MAMDC2: variants seen among roughly 807,000 people sequenced by gnomAD.
The protein encoded by MAMDC2 is MAM domain containing 2.
A neutral mutation model predicts 89.8 loss-of-function variants in MAMDC2; 57 were observed. The ratio of observed to expected loss-of-function variants is 0.63; its 90% confidence interval spans 0.51 to 0.79. The LOEUF (loss-of-function observed/expected upper bound fraction) is 0.79. Among genes scored for constraint, MAMDC2 ranks in the 30% least tolerant of loss-of-function variants. The pLI is 0.00. For synonymous variants in MAMDC2, 313 were observed against 293.4 expected (o/e 1.07, Z -0.68); for missense variants, 800 against 820.6 (o/e 0.97, Z 0.31).
intron 2 of MAMDC2, among the ~76,000 whole-genome samples, chr9:70,049,355 T>C (rs763883560): frequency 6.6e-6 from 1 of 152,168 alleles, no homozygotes; most frequent in African/African-American, 2.4e-5. Flanking sequence ...GCGTTTCAGT[T>C]CTGCACTCAG....
intron 2 of MAMDC2, among the ~76,000 whole-genome samples, chr9:70,107,055 T>G (rs1828360611): frequency 1.3e-5 from 2 of 151,796 alleles, no homozygotes; most frequent in African/African-American, 4.8e-5. Context: ...CACAGGGTGG[T>G]GGAAGCCACA....
At chr9:70,144,265 A>C (rs530041883) in intron 9 of MAMDC2, among the ~76,000 whole-genome samples, 151 of 152,320 alleles carry the variant, frequency 9.9e-4, no homozygotes, top group Non-Finnish European at 1.7e-3. Context: ...TAAGGTTAAC[A>C]ACCTAAGGCT....
At chr9:70,210,881 A>T (rs913047874) in intron 11 of MAMDC2, among the ~76,000 whole-genome samples, 1 of 152,260 alleles carries the variant, frequency 6.6e-6, no homozygotes, top group African/African-American at 2.4e-5. Flanking sequence ...TTTCTCCTTC[A>T]CTTATGAAGC....
intron 2 of MAMDC2, among the ~76,000 whole-genome samples, chr9:70,047,382 G>A (rs1283681902): frequency 6.6e-6 from 1 of 151,972 alleles, no homozygotes; most frequent in African/African-American, 2.4e-5. Context: ...GCCCCGGTGT[G>A]TGAAGTTCCC....
At chr9:70,113,227 C>A in intron 5 of MAMDC2, 95 bp downstream of exon 5, 1 of 1,423,406 alleles carries the variant, frequency 7.0e-7, no homozygotes, top group Non-Finnish European at 9.6e-7. Context: ...CTTCTGTCAA[C>A]AGGGAAGAGA....
chr9:70,157,637 T>C (rs978450386), intron 9 of MAMDC2: 3 of 152,652 alleles, frequency 2.0e-5, no homozygotes, highest in Non-Finnish European at 4.4e-5. Context: ...ATCTATACGA[T>C]GCTCAAAGAT....
At chr9:70,220,688 A>C (rs2033538992) in intron 12 of MAMDC2, among the ~76,000 whole-genome samples, 1 of 152,188 alleles carries the variant, frequency 6.6e-6, no homozygotes, top group South Asian at 2.1e-4. Flanking sequence ...CCAGATCTGC[A>C]TGGTTCCAAA....
At chr9:70,202,560 G>A (rs762710103) in intron 11 of MAMDC2, among the ~76,000 whole-genome samples, 224 of 150,014 alleles carry the variant, frequency 1.5e-3, no homozygotes, top group South Asian at 2.4e-3. Context: ...TTCTGTAGAT[G>A]TCTATTAGGT....
At position 70,218,513 on chromosome 9, in the gene MAMDC2, T is replaced by G. The variant is rs1487950394; in HGVS notation, c.1828T>G (p.Ser610Ala). ...YLKKEEDSEESLLWRRRGEQS... is the reference protein window; with the variant it reads ...YLKKEEDSEEALLWRRRGEQS... ...GAAAAAGGAAGAAGACAGTGAAGAGTCCCTCTTATGGAGGAGAAGAGGTGA... is the reference window on the plus strand; with the variant it reads ...GAAAAAGGAAGAAGACAGTGAAGAGGCCCTCTTATGGAGGAGAAGAGGTGA... Residue 610 changes from serine to alanine, a missense_variant, in exon 12 of 14, where the codon TCC (serine) becomes GCC (alanine). Transcript: ENST00000377182. The G allele has an allele frequency of 6.2e-7, 1 of 1,613,970 alleles. No individual in the cohort carries two copies. Among genetic ancestry groups the G allele is most frequent in the Admixed American group, 1.7e-5 (1 of 60,006 alleles).
At chr9:70,205,272 G>A (rs781303475) in intron 11 of MAMDC2, among the ~76,000 whole-genome samples, 14 of 152,050 alleles carry the variant, frequency 9.2e-5, no homozygotes, top group Non-Finnish European at 1.6e-4. Flanking sequence ...TCCATCTCCA[G>A]AGCTTTTTTT....
intron 11 of MAMDC2, among the ~76,000 whole-genome samples, chr9:70,215,189 G>T (rs1217972534): frequency 2.0e-5 from 3 of 152,154 alleles, no homozygotes; most frequent in Admixed American, 1.3e-4. Flanking sequence ...GAAAAAGCAG[G>T]AGAATACAGT....
At chr9:70,112,889 A>C in intron 4 of MAMDC2, 106 bp from the exon 5 acceptor site, 4 of 1,431,348 alleles carry the variant, frequency 2.8e-6, no homozygotes, top group Non-Finnish European at 3.9e-6. Context: ...GCAGTGGGCA[A>C]AGGAAGAGAG....
chr9:70,152,897 T>A (rs570292062), intron 9 of MAMDC2, among the ~76,000 whole-genome samples: 11 of 152,312 alleles, frequency 7.2e-5, no homozygotes, highest in African/African-American at 2.4e-4. Context: ...CTTAGCATAG[T>A]ACCCACACAT....
chr9:70,180,891 C>T (rs572238816), intron 11 of MAMDC2, among the ~76,000 whole-genome samples: 1 of 152,258 alleles, frequency 6.6e-6, no homozygotes, highest in South Asian at 2.1e-4. Context: ...GCTTTTGCTG[C>T]AATTGCTTTT....
chr9:70,122,891 G>A (rs1230916642), intron 5 of MAMDC2, among the ~76,000 whole-genome samples: 1 of 152,180 alleles, frequency 6.6e-6, no homozygotes, highest in African/African-American at 2.4e-5. Context: ...GATGGGAGCT[G>A]CTGAAGGGCC....
At chr9:70,051,325 A>AT (rs1161855673) in intron 2 of MAMDC2, among the ~76,000 whole-genome samples, 1 of 152,182 alleles carries the variant, frequency 6.6e-6, no homozygotes, top group Non-Finnish European at 1.5e-5. Flanking sequence ...GGCTACCCAA[A>AT]TCCTGGCCTG....
intron 11 of MAMDC2, among the ~76,000 whole-genome samples, chr9:70,179,343 T>C (rs1202053849): frequency 1.2e-5 from 1 of 86,582 alleles, no homozygotes; most frequent in East Asian, 3.0e-4. Context: ...AAACCTCGTC[T>C]CTACTAAAAA....
chr9:70,200,442 T>G (rs1024212681), intron 11 of MAMDC2, among the ~76,000 whole-genome samples: 108 of 151,068 alleles, frequency 7.1e-4, no homozygotes, highest in African/African-American at 2.5e-3. Context: ...CCATGCTGTT[T>G]TGGTTACTGT....
At chr9:70,088,600 G>A (rs542360951) in intron 2 of MAMDC2, 17 of 151,400 alleles carry the variant, frequency 1.1e-4, no homozygotes, top group Admixed American at 8.6e-4. Context: ...TTATTTCAGG[G>A]GGCATGTGGC....
Sources: gnomAD v4.1 joint callset for allele counts (sites outside exome capture counted in the v4.1 genomes callset) on GRCh38, gnomAD v4.1.1 for gene constraint, MANE v1.5 for transcripts, NCBI Gene and HGNC (gene_info 2026-07-23, HGNC 2026-07-21) for gene names.